The following ITFG1 variants were observed in gnomAD, a reference collection of about 807,000 sequenced individuals.
ITFG1 encodes the protein T-cell immunomodulatory protein.
In ITFG1, 34 loss-of-function variants were observed where a neutral mutation model predicts 81.8. The observed-to-expected ratio is 0.42, with a 90% confidence interval of 0.32 to 0.55. ITFG1 has a LOEUF of 0.55. Among genes scored for constraint, ITFG1 ranks in the 20% least tolerant of loss-of-function variants. The pLI, the probability that ITFG1 is intolerant of heterozygous loss-of-function variation, is 0.17. For missense variants in ITFG1, 672 were observed against 755.4 expected, an observed-to-expected ratio of 0.89 and a Z score of 1.29; for synonymous variants, 285 against 270.6, an observed-to-expected ratio of 1.05 and a Z score of -0.52.
intron 14 of ITFG1, among the ~76,000 whole-genome samples, chr16:47,214,296 T>C (rs909330016): frequency 6.6e-6 from 1 of 152,234 alleles, no homozygotes; most frequent in Non-Finnish European, 1.5e-5. Flanking sequence ...CTTATGTTTT[T>C]CTCAGATATA....
chr16:47,189,209 A>C (rs1481749028), intron 14 of ITFG1, among the ~76,000 whole-genome samples: 1 of 152,182 alleles, frequency 6.6e-6, no homozygotes, highest in African/African-American at 2.4e-5. Context: ...CTTTTGTGTT[A>C]AATTGGTATA....
chr16:47,184,923 G>T (rs1185051639), intron 14 of ITFG1, among the ~76,000 whole-genome samples: 2 of 151,890 alleles, frequency 1.3e-5, no homozygotes, highest in African/African-American at 4.8e-5. Flanking sequence ...AAAATAAAAG[G>T]ATGGAGGAAG....
At chr16:47,206,466 C>A (rs139765471) in intron 14 of ITFG1, among the ~76,000 whole-genome samples, 230 of 152,280 alleles carry the variant, frequency 1.5e-3, no homozygotes, top group African/African-American at 5.1e-3. Flanking sequence ...TGACCACTAT[C>A]GAATTCCAGA....
At chr16:47,396,571 T>C (rs1968597122) in intron 6 of ITFG1, among the ~76,000 whole-genome samples, 1 of 144,872 alleles carries the variant, frequency 6.9e-6, no homozygotes, top group South Asian at 2.1e-4. Context: ...AGAAGGAAGG[T>C]GGCTGGGTTT....
At chr16:47,350,214 A>G (rs983769054) in intron 8 of ITFG1, among the ~76,000 whole-genome samples, 1 of 152,242 alleles carries the variant, frequency 6.6e-6, no homozygotes, top group Admixed American at 6.5e-5. Context: ...AACTAAGATC[A>G]GACCAGAACT....
chr16:47,245,290 A>C (rs1348842873), intron 12 of ITFG1, among the ~76,000 whole-genome samples: 1 of 152,106 alleles, frequency 6.6e-6, no homozygotes, highest in Non-Finnish European at 1.5e-5. Flanking sequence ...TGGAGGTTGC[A>C]GTGAGCTGAG....
At chr16:47,256,799 T>A (rs1012278225) in intron 12 of ITFG1, among the ~76,000 whole-genome samples, 10 of 152,256 alleles carry the variant, frequency 6.6e-5, no homozygotes, top group African/African-American at 2.4e-5. Flanking sequence ...ACTAATACGT[T>A]CTGTTGCTTT....
intron 6 of ITFG1, among the ~76,000 whole-genome samples, chr16:47,387,801 C>A (rs1179189608): frequency 1.3e-5 from 2 of 151,830 alleles, no homozygotes; most frequent in African/African-American, 2.4e-5. Context: ...AATTATGAGA[C>A]CCATAAAGAA....
intron 6 of ITFG1, among the ~76,000 whole-genome samples, chr16:47,424,034 G>T (rs1968986522): frequency 6.6e-6 from 1 of 152,168 alleles, no homozygotes; most frequent in South Asian, 2.1e-4. Context: ...TTCCAACTTG[G>T]TTCCATTCTC....
chr16:47,389,415 G>A (rs1400535763), intron 6 of ITFG1, among the ~76,000 whole-genome samples: 1 of 152,090 alleles, frequency 6.6e-6, no homozygotes, highest in Non-Finnish European at 1.5e-5. Flanking sequence ...GCAACACCAA[G>A]AAGGTGAGTG....
At chr16:47,173,187 C>T (rs1313378644) in intron 14 of ITFG1, among the ~76,000 whole-genome samples, 2 of 152,150 alleles carry the variant, frequency 1.3e-5, no homozygotes, top group African/African-American at 4.8e-5. Flanking sequence ...ACCCTCTTGC[C>T]CAGCAATCCC....
At chr16:47,446,677 A>G (rs1000357507) in intron 5 of ITFG1, among the ~76,000 whole-genome samples, 1 of 152,154 alleles carries the variant, frequency 6.6e-6, no homozygotes, top group Non-Finnish European at 1.5e-5. Flanking sequence ...AAAATCAAGT[A>G]TTTGTAAGGC....
intron 6 of ITFG1, among the ~76,000 whole-genome samples, chr16:47,387,315 A>G (rs79793874): frequency 0.049 from 7,446 of 152,326 alleles, 286 homozygotes; most frequent in Non-Finnish European, 0.075. Context: ...TAAGCAAGCA[A>G]ACAACAATAA....
chr16:47,324,111 C>G lies in ITFG1; in HGVS notation c.803-10288G>C, dbSNP rs114781583. ...ATAAAATGAAGAGAAATATTTCTAT[C>G]AATACTACTTTAAAATTTTGGGATA... On this transcript the variant is annotated intron_variant, in intron 8 of 17. Coordinates refer to ENST00000320640, the MANE Select transcript of ITFG1 (RefSeq NM_030790.5). Among the ~76,000 whole-genome samples the G allele has an allele frequency of 6.8e-3, 1,027 of 152,072 alleles. 12 individuals are homozygous for G. The highest frequency in any genetic ancestry group is 0.023 in the African/African-American group (958 of 41,506).
intron 8 of ITFG1, among the ~76,000 whole-genome samples, chr16:47,331,839 A>G (rs934014733): frequency 6.6e-6 from 1 of 152,208 alleles, no homozygotes; most frequent in African/African-American, 2.4e-5. Context: ...TGAGCTAATT[A>G]GTACTTTTAC....
intron 6 of ITFG1, among the ~76,000 whole-genome samples, chr16:47,394,658 C>G (rs917524315): frequency 6.6e-6 from 1 of 151,928 alleles, no homozygotes; most frequent in Admixed American, 6.6e-5. Context: ...ACACATCTCT[C>G]TATAAATCTC....
chr16:47,423,563 G>A (rs1282121948), intron 6 of ITFG1, among the ~76,000 whole-genome samples: 1 of 152,144 alleles, frequency 6.6e-6, no homozygotes, highest in Non-Finnish European at 1.5e-5. Context: ...TTTTGTAGTG[G>A]CTTGTACTGG....
At chr16:47,282,675 T>C (rs1285547425) in intron 10 of ITFG1, among the ~76,000 whole-genome samples, 2 of 152,152 alleles carry the variant, frequency 1.3e-5, no homozygotes, top group African/African-American at 4.8e-5. Context: ...TCCATACTGT[T>C]TTCCACAGAG....
intron 14 of ITFG1, among the ~76,000 whole-genome samples, chr16:47,170,644 G>A (rs1000424697): frequency 1.0e-4 from 15 of 150,252 alleles, no homozygotes; most frequent in South Asian, 4.2e-4. Context: ...TGGCCAGGCC[G>A]ATCTCAAACT....
Sources: allele counts gnomAD v4.1 joint callset (sites outside exome capture counted in the v4.1 genomes callset), GRCh38; gene constraint gnomAD v4.1.1; transcripts MANE v1.5; gene names NCBI Gene and HGNC (gene_info 2026-07-23, HGNC 2026-07-21).